The following CENPF variants were observed in gnomAD, a reference collection of about 807,000 sequenced individuals.
CENPF encodes the protein AH antigen.
A neutral mutation model predicts 307.3 loss-of-function variants in CENPF; 214 were observed. That is an observed-to-expected ratio of 0.70 (90% CI 0.62 to 0.78). CENPF has a LOEUF of 0.78. Among genes scored for constraint, CENPF ranks in the 30% least tolerant of loss-of-function variants. The pLI is 0.00. For missense variants in CENPF, 3,401 were observed against 3,483.9 expected (o/e 0.98, Z 0.60); for synonymous variants, 1,259 against 1,270.6 (o/e 0.99, Z 0.19).
At chr1:214,648,872 T>C (rs1388948544) in intron 14 of CENPF, 45 bp downstream of exon 14, 1 of 1,580,474 alleles carries the variant, frequency 6.3e-7, no homozygotes, top group Non-Finnish European at 8.6e-7. Context: ...GTTAATTCAT[T>C]GTGCACACTC....
At position 214,618,560 on chromosome 1, in the gene CENPF, C is replaced by T. The variant is rs780379315; in HGVS notation, c.360-13C>T. On this transcript the variant is annotated splice_polypyrimidine_tract_variant and intron_variant, in intron 3 of 19. Coordinates refer to ENST00000366955, the MANE Select transcript of CENPF (RefSeq NM_016343.4). ...TAACTGATTTGTCTGCCTCTTGGGT[C>T]CTTTTCTAACAGGTGTAAATCTGAG... 4 of 1,612,884 alleles carry T rather than the reference C, an allele frequency of 2.5e-6. No individual in the cohort carries two copies. The highest frequency in any genetic ancestry group is 3.4e-6 in the Non-Finnish European group (4 of 1,179,618).
intron 10 of CENPF, among the ~76,000 whole-genome samples, chr1:214,636,999 T>C (rs1232302533): frequency 2.0e-5 from 3 of 152,230 alleles, no homozygotes; most frequent in Non-Finnish European, 4.4e-5. Flanking sequence ...CATGTAAATA[T>C]TGCTTGCTTT....
intron 8 of CENPF, among the ~76,000 whole-genome samples, chr1:214,629,771 C>T (rs142398023): frequency 0.035 from 5,287 of 152,192 alleles, 318 homozygotes; most frequent in African/African-American, 0.12. Context: ...AGGCTGGTCT[C>T]GAACTCCTGA....
Position 214,608,718 on chromosome 1 carries a change from G to A in CENPF, c.-41-4996G>A, listed in dbSNP as rs1453579483. ...CCCCGGCCCCACCAGGCCCCGGCTCGGGCTCAGTCACCAAGGAATAGGTGG... is the reference window on the plus strand; with the variant it reads ...CCCCGGCCCCACCAGGCCCCGGCTCAGGCTCAGTCACCAAGGAATAGGTGG... On this transcript the variant is annotated intron_variant, in intron 1 of 19. Coordinates refer to ENST00000366955, the MANE Select transcript of CENPF (RefSeq NM_016343.4). 1.2e-5 allele frequency: 19 copies of A among 1,595,720 alleles called. No individual in the cohort carries two copies. In the African/African-American group the frequency reaches 1.6e-4, roughly 13 times the overall value.
At chr1:214,604,039 G>GACCTTTTATTCAA (rs1252203852) in intron 1 of CENPF, among the ~76,000 whole-genome samples, 1 of 152,050 alleles carries the variant, frequency 6.6e-6, no homozygotes, top group Non-Finnish European at 1.5e-5. Context: ...TAAAAGGCAT[G>GACCTTTTATTCAA]GGTCGTGTCC....
intron 1 of CENPF, 127 bp downstream of exon 1, chr1:214,603,448 G>A (rs1571687401): frequency 6.6e-6 from 1 of 152,084 alleles, no homozygotes; most frequent in African/African-American, 2.4e-5. Context: ...TCACTCTCCC[G>A]GCCCTGTAGG....
chr1:214,649,124 C>T (rs1658395044), intron 14 of CENPF, among the ~76,000 whole-genome samples: 1 of 152,178 alleles, frequency 6.6e-6, no homozygotes, highest in Admixed American at 6.5e-5. Context: ...AGAAGTAGAT[C>T]TCATGCCGCT....
In CENPF at chr1:214,603,262, GC is replaced by G. The variant is rs924159237; in HGVS notation, c.-99del. ...TGAATTAGACTCTGGGCTCCAGCCC[GC>G]CGAAGCCGCGCCAGAACTGTACTCT... On this transcript the variant is annotated 5_prime_UTR_variant, in exon 1 of 20. Transcript: ENST00000366955. 2.0e-5 allele frequency: 3 copies of G among 152,338 alleles called. No homozygotes were observed. The highest frequency in any genetic ancestry group is 4.8e-5 in the African/African-American group (2 of 41,470). 9.4% of individuals were successfully genotyped at this position (152,338 alleles called of 1,614,324 possible). A position where few individuals can be genotyped will look rare whatever the true frequency, so the allele number is the denominator to read the frequency against.
intron 12 of CENPF, among the ~76,000 whole-genome samples, chr1:214,643,853 C>A (rs1231116400): frequency 6.6e-6 from 1 of 152,170 alleles, no homozygotes; most frequent in African/African-American, 2.4e-5. Context: ...TTTAAAAGGG[C>A]TTTTAAAAAA....
In CENPF at chr1:214,641,750, G is replaced by T; in HGVS notation, c.3412G>T (p.Glu1138Ter). The change falls in exon 12 of 20, where the codon GAA becomes TAA. Residue 1138 changes from glutamate (E) to a stop codon, truncating the protein, a stop_gained. Coordinates refer to ENST00000366955, the MANE Select transcript of CENPF (RefSeq NM_016343.4). LOFTEE classifies it high-confidence loss of function. Reference sequence around the variant, plus strand: ...GCAAGAAATCATGACTTTAAAGGAAGAACAAAACAAAATGCAAAAGGAAGT... The same window carrying T: ...GCAAGAAATCATGACTTTAAAGGAATAACAAAACAAAATGCAAAAGGAAGT... ...LKQEIMTLKE[E>*]QNKMQKEVND... 6.3e-7 allele frequency: 1 copy of T among 1,583,352 alleles called. No homozygotes were observed. Among genetic ancestry groups the T allele is most frequent in the South Asian group, 1.2e-5 (1 of 84,890 alleles).
At position 214,646,296 on chromosome 1, in the gene CENPF, A is replaced by T. The variant is rs748794944; in HGVS notation, c.6726A>T (p.Glu2242Asp). 39 of 1,614,030 alleles carry T rather than the reference A, an allele frequency of 2.4e-5. 1 individual carries two copies. The Middle Eastern group carries it at 2.6e-3, about 109-fold the overall frequency. Reference protein sequence around the residue: ...LLSSFKSLLEEKEQAEIQIKE... With the variant: ...LLSSFKSLLEDKEQAEIQIKE... ...CTTCATTTAAAAGTCTGTTAGAAGA[A>T]AAGGAGCAAGCAGAGATACAGATCA... Residue 2242 changes from glutamate to aspartate, a missense_variant, in exon 13 of 20, where the codon GAA becomes GAT. Glu to Asp is a conservative substitution (Grantham distance 45). Coordinates refer to ENST00000366955, the MANE Select transcript of CENPF (RefSeq NM_016343.4).
chr1:214,658,970 G>A lies in CENPF; in HGVS notation c.9083G>A (p.Gly3028Asp). 1 of 1,614,076 alleles carries A rather than the reference G, an allele frequency of 6.2e-7. No individual in the cohort carries two copies. Among genetic ancestry groups the A allele is most frequent in the East Asian group, 2.2e-5 (1 of 44,886 alleles). ...TTAGCGCTATCCCCACTGAGTCTCG[G>A]CAAAGAAAATCTTGCAGAGTCCTCC... ...QKLALSPLSL[G>D]KENLAESSKP... Residue 3028 changes from glycine (G) to aspartate (D), a missense_variant, in exon 19 of 20, where the codon GGC becomes GAC. By Grantham distance (94) the Gly-to-Asp change is moderately conservative. Transcript: ENST00000366955.
intron 9 of CENPF, 69 bp from the exon 10 acceptor site, chr1:214,632,411 T>C: frequency 6.5e-7 from 1 of 1,538,762 alleles, no homozygotes; most frequent in South Asian, 1.2e-5. Context: ...TTTTATTGTT[T>C]AAGAATACAT....
chr1:214,641,707 C>T lies in CENPF; in HGVS notation c.3369C>T (p.Ser1123=), dbSNP rs369791107. The change falls in exon 12 of 20, where the codon AGC becomes AGT. Residue 1123 remains serine, a synonymous_variant. Transcript: ENST00000366955. ...EMTDNQNNSK[S]EAGGLKQEIM... is the part of the protein sequence containing the mutation. Reference sequence around the variant, plus strand: ...CAGATAACCAAAACAATTCTAAGAGCGAGGCTGGTGGTTTAAAGCAAGAAA... The same window carrying T: ...CAGATAACCAAAACAATTCTAAGAGTGAGGCTGGTGGTTTAAAGCAAGAAA... 8.3e-4 allele frequency: 1,310 copies of T among 1,579,450 alleles called. 26 individuals carry two copies. The South Asian group carries it at 0.015, about 18-fold the overall frequency.
At chr1:214,619,535 C>T (rs75946510) in intron 5 of CENPF, among the ~76,000 whole-genome samples, 5,328 of 152,228 alleles carry the variant, frequency 0.035, 327 homozygotes, top group African/African-American at 0.12. Context: ...GAGAATTAGT[C>T]GTGATGCTCC....
rs748811740 is a variant in CENPF at position 214,657,226 on chromosome 1, A to G, written c.8779A>G (p.Lys2927Glu). The G allele has an allele frequency of 7.4e-6, 12 of 1,614,038 alleles. No homozygotes were observed. Among genetic ancestry groups the G allele is most frequent in the Admixed American group, 1.7e-5 (1 of 60,002 alleles). The change falls in exon 18 of 20, where the codon AAA becomes GAA. Residue 2927 changes from lysine (K) to glutamate (E), a missense_variant. Coordinates refer to ENST00000366955, the MANE Select transcript of CENPF (RefSeq NM_016343.4). ...AAAGAGGTTATCATCTGGCCAAAAT[A>G]AAGCTTCAGGCAAGAGGCAAAGATC... ...TEKRLSSGQN[K>E]ASGKRQRSSG...
Position 214,655,379 on chromosome 1 carries a change from G to C in CENPF, c.8461G>C (p.Ala2821Pro). The C allele has an allele frequency of 6.2e-7, 1 of 1,604,424 alleles. No homozygotes were observed. The highest frequency in any genetic ancestry group is 8.5e-7 in the Non-Finnish European group (1 of 1,176,368). The change falls in exon 17 of 20, where the codon GCT (alanine) becomes CCT (proline). Residue 2821 changes from alanine to proline, a missense_variant. Physicochemically the swap from Ala to Pro is conservative, Grantham distance 27. Transcript: ENST00000366955. ...ILQKELSQLQ[A>P]AQEKQKTGTV... ...GCAGAAAGAACTCTCTCAACTTCAA[G>C]CTGCACAGGAGAAGCAGAAAACAGG...
intron 7 of CENPF, 67 bp from the exon 8 acceptor site, chr1:214,628,979 C>A: frequency 7.9e-7 from 1 of 1,265,078 alleles, no homozygotes; most frequent in Admixed American, 2.7e-5. Flanking sequence ...TTTTCTAAAA[C>A]ACAAAATATT....
rs761690187 is a variant in CENPF, at chr1:214,645,661, A to G, written c.6091A>G (p.Thr2031Ala). The part of the protein sequence containing the change: ...SDVSELLKDK[T>A]HLQEKLQSLE... The stretch of plus-strand genomic sequence containing the variant: ...TGTGAGTGAGCTGTTAAAAGACAAA[A>G]CTCATCTCCAGGAAAAGCTGCAGAG... Residue 2031 changes from threonine to alanine, a missense_variant, in exon 13 of 20, where the codon ACT becomes GCT. By Grantham distance (58) the Thr-to-Ala change is moderately conservative. Transcript: ENST00000366955. 1.2e-6 allele frequency: 2 copies of G among 1,614,042 alleles called. No homozygotes were observed. Among genetic ancestry groups the G allele is most frequent in the South Asian group, 2.2e-5 (2 of 91,070 alleles).
Sources: gnomAD v4.1 joint callset for allele counts (sites outside exome capture counted in the v4.1 genomes callset) on GRCh38, gnomAD v4.1.1 for gene constraint, MANE v1.5 for transcripts, NCBI Gene and HGNC (gene_info 2026-07-23, HGNC 2026-07-21) for gene names.